The following OR9Q1 variants were observed in gnomAD, a reference collection of about 807,000 sequenced individuals.
OR9Q1 encodes the protein olfactory receptor 9Q1.
For synonymous variants in OR9Q1, 153 were observed against 148.6 expected (o/e 1.03, Z -0.22); for missense variants, 374 against 378.8 (o/e 0.99, Z 0.11).
chr11:58,029,988 C>T (rs1405455248), intron 1 of OR9Q1, among the ~76,000 whole-genome samples: 3 of 151,964 alleles, frequency 2.0e-5, no homozygotes, highest in Non-Finnish European at 4.4e-5. Context: ...ATTACAGGTG[C>T]CCACCACCAC....
chr11:58,149,282 CT>C (rs1487915417), intron 2 of OR9Q1, among the ~76,000 whole-genome samples: 1 of 152,068 alleles, frequency 6.6e-6, no homozygotes, highest in African/African-American at 2.4e-5. Flanking sequence ...AATAAATTAG[CT>C]CTTTATTGAG....
chr11:58,118,836 G>T, intron 2 of OR9Q1: 1 of 1,614,026 alleles, frequency 6.2e-7, no homozygotes, highest in South Asian at 1.1e-5. Context: ...TCACAAAATT[G>T]CCAAAGAAGA....
At chr11:58,110,883 T>C (rs1305487666) in intron 2 of OR9Q1, among the ~76,000 whole-genome samples, 1 of 151,958 alleles carries the variant, frequency 6.6e-6, no homozygotes, top group East Asian at 1.9e-4. Context: ...CCCTGGAGAG[T>C]GGGTGGAGTC....
intron 2 of OR9Q1, among the ~76,000 whole-genome samples, chr11:58,080,054 G>T (rs1238403065): frequency 6.6e-6 from 1 of 152,026 alleles, no homozygotes; most frequent in Non-Finnish European, 1.5e-5. Flanking sequence ...AGATACGGGG[G>T]TACATGTGCA....
intron 2 of OR9Q1, among the ~76,000 whole-genome samples, chr11:58,091,208 C>T (rs982568815): frequency 2.4e-4 from 37 of 151,996 alleles, no homozygotes; most frequent in African/African-American, 8.2e-4. Flanking sequence ...TTTGCTCTTG[C>T]TTCTCTAGTT....
At chr11:58,048,606 T>A (rs980037073) in intron 1 of OR9Q1, among the ~76,000 whole-genome samples, 12 of 149,562 alleles carry the variant, frequency 8.0e-5, no homozygotes, top group Non-Finnish European at 1.3e-4. Context: ...GAGGTGGAGG[T>A]TGCAGTCAGC....
chr11:58,103,309 C>T (rs1853808185), intron 2 of OR9Q1, among the ~76,000 whole-genome samples: 1 of 152,000 alleles, frequency 6.6e-6, no homozygotes, highest in Non-Finnish European at 1.5e-5. Context: ...AGGTAACCGC[C>T]CCTGTGATTC....
rs1431158664 is a variant in OR9Q1 at position 58,036,679 on chromosome 11, G to T, written c.-93+12575G>T. On this transcript the variant is annotated intron_variant, in intron 1 of 2. Coordinates refer to ENST00000335397, the MANE Select transcript of OR9Q1 (RefSeq NM_001005212.4). The stretch of plus-strand genomic sequence containing the variant: ...CAACCCTTATGGATGACTTTGAGGG[G>T]TTCAAGACTTTAGTGGAGGAAGTAA... Among the ~76,000 whole-genome samples, 18 of 152,194 alleles carry T rather than the reference G, an allele frequency of 1.2e-4. 1 individual carries two copies. Among genetic ancestry groups the T allele is most frequent in the African/African-American group, 4.1e-4 (17 of 41,464 alleles).
At chr11:58,131,138 C>T (rs1019155784) in intron 2 of OR9Q1, among the ~76,000 whole-genome samples, 2 of 152,100 alleles carry the variant, frequency 1.3e-5, no homozygotes, top group African/African-American at 4.8e-5. Flanking sequence ...TCAGAAGGAC[C>T]ACTGATCTAC....
chr11:58,160,872 G>T (rs1446592633), intron 2 of OR9Q1, among the ~76,000 whole-genome samples: 1 of 152,152 alleles, frequency 6.6e-6, no homozygotes, highest in African/African-American at 2.4e-5. Context: ...ATATATGACA[G>T]CGACTTCATG....
At chr11:58,117,053 A>G (rs1042779662) in intron 2 of OR9Q1, 4 of 152,072 alleles carry the variant, frequency 2.6e-5, no homozygotes, top group African/African-American at 7.2e-5. Context: ...TTTTATCATC[A>G]TTGGTTGGTG....
chr11:58,178,872 A>G (rs1228206250), intron 2 of OR9Q1, among the ~76,000 whole-genome samples: 2 of 137,800 alleles, frequency 1.5e-5, no homozygotes, highest in Admixed American at 1.5e-4. Context: ...GACATATTTT[A>G]TATGTATATA....
At chr11:58,131,701 C>T (rs1296278193) in intron 2 of OR9Q1, among the ~76,000 whole-genome samples, 1 of 151,880 alleles carries the variant, frequency 6.6e-6, no homozygotes, top group African/African-American at 2.4e-5. Context: ...TTTTTCTTTT[C>T]CTGTGGTCAC....
chr11:58,091,106 A>G (rs1286864351), intron 2 of OR9Q1, among the ~76,000 whole-genome samples: 3 of 151,232 alleles, frequency 2.0e-5, no homozygotes, highest in Admixed American at 6.6e-5. Flanking sequence ...TCCAGGATTC[A>G]TTGATTTTTT....
At chr11:58,138,599 G>A (rs1229111078) in intron 2 of OR9Q1, among the ~76,000 whole-genome samples, 1 of 152,080 alleles carries the variant, frequency 6.6e-6, no homozygotes, top group Non-Finnish European at 1.5e-5. Context: ...TCTTCTCATA[G>A]CACAGCTGTG....
chr11:58,132,678 C>A (rs1334052464), intron 2 of OR9Q1, among the ~76,000 whole-genome samples: 1 of 152,170 alleles, frequency 6.6e-6, no homozygotes, highest in Non-Finnish European at 1.5e-5. Context: ...CCTCAAAGAG[C>A]AGAACACAGA....
At position 58,118,963 on chromosome 11, in the gene OR9Q1, G is replaced by T. The variant is rs76688946; in HGVS notation, c.-14-60468G>T. 1,881 of 1,613,938 alleles carry T rather than the reference G, an allele frequency of 1.2e-3. 45 individuals are homozygous for T. In the East Asian group the frequency reaches 0.038, roughly 33 times the overall value. On this transcript the variant is annotated intron_variant, in intron 2 of 2. Transcript: ENST00000335397. Reference sequence around the variant, plus strand: ...ACAGAAGGAGAGGGTGAAGGTGCAAGTGGTACGCAGGATGGCTCCTGACAC... The same window carrying T: ...ACAGAAGGAGAGGGTGAAGGTGCAATTGGTACGCAGGATGGCTCCTGACAC...
intron 2 of OR9Q1, chr11:58,118,997 CAT>C: frequency 6.2e-7 from 1 of 1,613,934 alleles, no homozygotes; most frequent in African/African-American, 1.3e-5. Flanking sequence ...ACCCCACAGA[CAT>C]AGGCTCCTAC....
chr11:58,122,009 TC>T (rs1448500941), intron 2 of OR9Q1, among the ~76,000 whole-genome samples: 1 of 152,214 alleles, frequency 6.6e-6, no homozygotes, highest in Non-Finnish European at 1.5e-5. Flanking sequence ...TCCTCTGGCT[TC>T]CATGGGATCC....
Sources: gnomAD v4.1 joint callset for allele counts (sites outside exome capture counted in the v4.1 genomes callset) on GRCh38, gnomAD v4.1.1 for gene constraint, MANE v1.5 for transcripts, NCBI Gene and HGNC (gene_info 2026-07-23, HGNC 2026-07-21) for gene names.